The following ZC3H18 variants were observed in gnomAD, a reference collection of about 807,000 sequenced individuals.
The protein encoded by ZC3H18 is zinc finger CCCH domain-containing protein 18.
ZC3H18 carries 8 observed loss-of-function variants against 106.1 expected under a neutral mutation model. That is an observed-to-expected ratio of 0.08 (90% CI 0.04 to 0.14). ZC3H18 has a LOEUF of 0.14. ZC3H18 is among the 10% of genes least tolerant of loss of function. The probability of loss-of-function intolerance (pLI) is 1.00; values close to 1 mark genes in which losing one functional copy is unlikely to be tolerated. For synonymous variants in ZC3H18, 635 were observed against 522.1 expected, an observed-to-expected ratio of 1.22 and a Z score of -2.95; for missense variants, 1,318 against 1,278.4, an observed-to-expected ratio of 1.03 and a Z score of -0.47.
In ZC3H18 at chr16:88,577,101, C is replaced by G. The variant is rs150563270; in HGVS notation, c.-14-9C>G. ...TAAAGGCTGTCAATCTGTATTCTCT[C>G]TTTTGCAGAACCGTGGGTACCGATG... is the stretch of plus-strand genomic sequence containing the variant. On this transcript the variant is annotated splice_polypyrimidine_tract_variant and intron_variant, in intron 1 of 17. Coordinates refer to ENST00000301011, the MANE Select transcript of ZC3H18 (RefSeq NM_144604.4). 3.3e-6 allele frequency: 5 copies of G among 1,514,068 alleles called. No individual in the cohort carries two copies. Among genetic ancestry groups the G allele is most frequent in the Non-Finnish European group, 1.8e-6 (2 of 1,131,034 alleles). The allele number at this position is 1,514,068 out of a possible 1,614,324, so 93.8% of individuals were successfully genotyped here. A position where few individuals can be genotyped will look rare whatever the true frequency, so the allele number is the denominator to read the frequency against.
rs778401736 is a variant in ZC3H18, at chr16:88,623,337, C to T, written c.1786C>T (p.Arg596Trp). 1 of 1,613,350 alleles carries T rather than the reference C, an allele frequency of 6.2e-7. No individual in the cohort carries two copies. The highest frequency in any genetic ancestry group is 8.5e-7 in the Non-Finnish European group (1 of 1,179,954). ...SSRHSSFSGS[R>W]SRSRSFSSSP... ...CAGACACAGCTCGTTCTCAGGAAGC[C>T]GGTCCAGGTATGTCCCCAGGGCCCA... Residue 596 changes from arginine (R) to tryptophan (W), a missense_variant, in exon 10 of 18, where the codon CGG becomes TGG. Arg to Trp is a moderately radical substitution (Grantham distance 101). Around this residue, in one of 6 missense-constraint regions of ZC3H18, gnomAD observed 848 missense variants for 821.7 expected, o/e 1.03. Coordinates refer to ENST00000301011, the MANE Select transcript of ZC3H18 (RefSeq NM_144604.4).
chr16:88,607,669 CATTT>C (rs969886235), intron 6 of ZC3H18, among the ~76,000 whole-genome samples: 3 of 150,376 alleles, frequency 2.0e-5, no homozygotes, highest in South Asian at 2.1e-4. Context: ...CGTGTCTCCC[CATTT>C]ATTCACACAC....
intron 2 of ZC3H18, among the ~76,000 whole-genome samples, chr16:88,581,669 C>T (rs759813853): frequency 4.6e-5 from 7 of 152,180 alleles, no homozygotes; most frequent in Admixed American, 6.5e-5. Context: ...GTTCAGGAAG[C>T]GGCATGGAAG....
intron 1 of ZC3H18, among the ~76,000 whole-genome samples, chr16:88,576,422 T>C (rs1567574673): frequency 6.6e-6 from 1 of 152,274 alleles, no homozygotes; most frequent in East Asian, 1.9e-4. Flanking sequence ...GCTACCTGTA[T>C]GGGAAGAGGG....
chr16:88,608,666 A>G, intron 6 of ZC3H18: 2 of 227,278 alleles, frequency 8.8e-6, no homozygotes, highest in Non-Finnish European at 1.8e-5. Flanking sequence ...CCTGGCCCTC[A>G]CTTCCTATTT....
rs763752874 is a variant in ZC3H18, at chr16:88,627,818, C to T, written c.2269+36C>T. On this transcript the variant is annotated intron_variant, in intron 14 of 17. Transcript: ENST00000301011. The surrounding 1 kb of genome is among the most constrained non-coding windows in gnomAD (Gnocchi z 4.5). ...GCCCTGGTACCTTTGGGGAGCAGCT[C>T]CCGGGGGAGGAGGGCGGCATCAGCA... 1.2e-6 allele frequency: 2 copies of T among 1,609,968 alleles called. No homozygotes were observed. Among genetic ancestry groups the T allele is most frequent in the Non-Finnish European group, 1.7e-6 (2 of 1,177,138 alleles).
At chr16:88,578,082 T>G (rs902518710) in intron 2 of ZC3H18, among the ~76,000 whole-genome samples, 2 of 152,236 alleles carry the variant, frequency 1.3e-5, no homozygotes, top group Non-Finnish European at 2.9e-5. Context: ...CAAGTGATAC[T>G]CAAGTTAACA....
In ZC3H18 at chr16:88,625,183, G is replaced by A. The variant is rs188728153; in HGVS notation, c.2043-19G>A. 4.3e-4 allele frequency: 677 copies of A among 1,568,778 alleles called. 2 individuals are homozygous for A. The highest frequency in any genetic ancestry group is 6.7e-4 in the Middle Eastern group (4 of 6,002). ...GTGGAGGCCACGCCCCCTGAGCCCC[G>A]CTGTTGCTTGTATTACAGGCGGACG... On this transcript the variant is annotated intron_variant, in intron 12 of 17. Coordinates refer to ENST00000301011, the MANE Select transcript of ZC3H18 (RefSeq NM_144604.4).
At chr16:88,623,113 G>T in intron 9 of ZC3H18, 106 bp from the exon 10 acceptor site, 1 of 1,478,980 alleles carries the variant, frequency 6.8e-7, no homozygotes, top group Non-Finnish European at 9.0e-7. Context: ...GCGCTTGTGT[G>T]TAGCTGTGCG....
intron 8 of ZC3H18, among the ~76,000 whole-genome samples, chr16:88,613,629 T>A (rs1430577768): frequency 1.3e-5 from 2 of 152,226 alleles, no homozygotes; most frequent in East Asian, 3.8e-4. Flanking sequence ...TTATCAACCA[T>A]TTGTATATCT....
intron 8 of ZC3H18, among the ~76,000 whole-genome samples, chr16:88,620,351 G>C (rs1411522851): frequency 6.6e-6 from 1 of 152,204 alleles, no homozygotes; most frequent in Non-Finnish European, 1.5e-5. Context: ...CACTCTGGGA[G>C]GCCAGGGTGG....
chr16:88,625,223 C>G lies in ZC3H18; in HGVS notation c.2064C>G (p.Gly688=). 6.3e-7 allele frequency: 1 copy of G among 1,591,520 alleles called. No homozygotes were observed. Among genetic ancestry groups the G allele is most frequent in the Non-Finnish European group, 8.6e-7 (1 of 1,169,284 alleles). ...ACAGGCGGACGCTAAGCGGCAGCGGCAGTGGCAGTGGTAGCAGCTATAGTG... is the reference window on the plus strand; with the variant it reads ...ACAGGCGGACGCTAAGCGGCAGCGGGAGTGGCAGTGGTAGCAGCTATAGTG... ...PPRRRTLSGS[G]SGSGSSYSGS... Residue 688 remains glycine, a synonymous_variant, in exon 13 of 18, where the codon GGC becomes GGG. Transcript: ENST00000301011.
chr16:88,605,453 G>A (rs957070659), intron 6 of ZC3H18, among the ~76,000 whole-genome samples: 22 of 152,246 alleles, frequency 1.4e-4, no homozygotes, highest in Admixed American at 1.0e-3. Context: ...AGGGGGCTGC[G>A]TCGCTGCTCC....
At chr16:88,580,725 C>CG (rs1464585718) in intron 2 of ZC3H18, among the ~76,000 whole-genome samples, 1 of 152,148 alleles carries the variant, frequency 6.6e-6, no homozygotes, top group Non-Finnish European at 1.5e-5. Flanking sequence ...CCCTGGGGTG[C>CG]GCCGGGTCCG....
intron 2 of ZC3H18, among the ~76,000 whole-genome samples, chr16:88,578,126 T>C (rs1398080303): frequency 6.6e-6 from 1 of 152,230 alleles, no homozygotes; most frequent in Non-Finnish European, 1.5e-5. Context: ...TCCACTCTTG[T>C]CAGGTTTTTG....
Position 88,631,569 on chromosome 16 carries a change from G to A in ZC3H18, c.*270G>A, listed in dbSNP as rs1169688300. 8 of 547,208 alleles carry A rather than the reference G, an allele frequency of 1.5e-5. No homozygotes were observed. The highest frequency in any genetic ancestry group is 2.8e-5 in the Non-Finnish European group (8 of 288,106). 33.9% of individuals were successfully genotyped at this position (547,208 alleles called of 1,614,324 possible). A position where few individuals can be genotyped will look rare whatever the true frequency, so the allele number is the denominator to read the frequency against. On this transcript the variant is annotated 3_prime_UTR_variant, in exon 18 of 18. Coordinates refer to ENST00000301011, the MANE Select transcript of ZC3H18 (RefSeq NM_144604.4). ...CTCATGTAAATTACAAGCCCCAGCC[G>A]CCAGCCCCGCCTTCTCTTCCTCCTC...
intron 8 of ZC3H18, among the ~76,000 whole-genome samples, chr16:88,612,309 G>A (rs781374124): frequency 6.6e-6 from 1 of 152,076 alleles, no homozygotes; most frequent in Non-Finnish European, 1.5e-5. Flanking sequence ...TGTACAATCA[G>A]TGGTTTCTAG....
intron 2 of ZC3H18, among the ~76,000 whole-genome samples, chr16:88,583,488 C>T (rs1411583010): frequency 6.6e-6 from 1 of 152,250 alleles, no homozygotes; most frequent in African/African-American, 2.4e-5. Context: ...GATCAGGTGA[C>T]TTTTGCAGAT....
chr16:88,590,564 C>CTTTTTTTTTTTTTTTTTTTTTTTTTT lies in ZC3H18; in HGVS notation c.688+3896_688+3897insTTTTTTTTTTTTTTTTTTTTTTTTTT, dbSNP rs57632461. ...TGTCCCACTTTGGGTTTCTTTATTTCTTTTTTTTTTTTTTTTGAGACAGTG... is the reference window on the plus strand; with the variant it reads ...TGTCCCACTTTGGGTTTCTTTATTTCTTTTTTTTTTTTTTTTTTTTTTTTTTTTTTTTTTTTTTTTTTGAGACAGTG... On this transcript the variant is annotated intron_variant, in intron 3 of 17. Transcript: ENST00000301011. 4.0e-5 allele frequency among the ~76,000 whole-genome samples: 4 copies of CTTTTTTTTTTTTTTTTTTTTTTTTTT among 100,672 alleles called. 2 individuals are homozygous for CTTTTTTTTTTTTTTTTTTTTTTTTTT. The allele number at this position is 100,672 out of a possible 152,430, so 66.0% of individuals were successfully genotyped here. A position where few individuals can be genotyped will look rare whatever the true frequency, so the allele number is the denominator to read the frequency against.
Sources: allele counts gnomAD v4.1 joint callset (sites outside exome capture counted in the v4.1 genomes callset), GRCh38; gene constraint gnomAD v4.1.1; regional missense constraint gnomAD v4.1.1; non-coding constraint Gnocchi (gnomAD v3.1); transcripts MANE v1.5; gene names NCBI Gene and HGNC (gene_info 2026-07-23, HGNC 2026-07-21).